Variants in LRRN3 observed in about 807,000 individuals in gnomAD.
LRRN3 encodes leucine-rich repeat neuronal protein 3.
In LRRN3, 15 loss-of-function variants were observed where a neutral mutation model predicts 40.1. The observed-to-expected ratio is 0.37, with a 90% CI of 0.25 to 0.58. LRRN3 has a LOEUF of 0.58. LRRN3 is among the 20% of genes least tolerant of loss of function. The pLI is 0.72. For missense variants in LRRN3, 746 were observed against 837.7 expected, an observed-to-expected ratio of 0.89 and a Z score of 1.35; for synonymous variants, 308 against 297.2, an observed-to-expected ratio of 1.04 and a Z score of -0.37.
At chr7:111,103,647 A>C (rs887563560) in intron 2 of LRRN3, among the ~76,000 whole-genome samples, 1 of 151,668 alleles carries the variant, frequency 6.6e-6, no homozygotes, top group Non-Finnish European at 1.5e-5. Flanking sequence ...AGTTACAGCA[A>C]ATTCTAATGA....
intron 2 of LRRN3, among the ~76,000 whole-genome samples, chr7:111,108,901 T>C (rs948073608): frequency 1.3e-5 from 2 of 152,188 alleles, no homozygotes; most frequent in African/African-American, 4.8e-5. Flanking sequence ...TAGATATTTA[T>C]TGAACAACAA....
At chr7:111,111,388 T>C (rs186623655) in intron 2 of LRRN3, among the ~76,000 whole-genome samples, 125 of 150,486 alleles carry the variant, frequency 8.3e-4, no homozygotes, top group African/African-American at 3.1e-3. Context: ...CATCACAAAT[T>C]ACACTGCTTT....
chr7:111,111,942 G>GTTTTTTT (rs748410980), intron 2 of LRRN3, among the ~76,000 whole-genome samples: 141 of 84,122 alleles, frequency 1.7e-3, no homozygotes, highest in Non-Finnish European at 2.0e-3. Context: ...TATATAGTTT[G>GTTTTTTT]TTTTTTTTTT....
chr7:111,124,310 T>C lies in LRRN3; in HGVS notation c.1538T>C (p.Val513Ala), dbSNP rs1801022462. The C allele has an allele frequency of 2.5e-6, 4 of 1,613,808 alleles. No individual in the cohort carries two copies. The highest frequency in any genetic ancestry group is 3.4e-6 in the Non-Finnish European group (4 of 1,179,862). ...GADLKSVMIK[V>A]DGSFPQDNNG... is the part of the protein sequence containing the mutation. ...GACTTGAAGTCTGTTATGATCAAAG[T>C]GGATGGATCTTTTCCACAAGATAAC... The change falls in exon 3 of 3, where the codon GTG becomes GCG. Residue 513 changes from valine to alanine, a missense_variant. Coordinates refer to ENST00000308478, the MANE Select transcript of LRRN3 (RefSeq NM_001099658.2).
chr7:111,119,185 G>C (rs1487222014), intron 2 of LRRN3, among the ~76,000 whole-genome samples: 2 of 152,176 alleles, frequency 1.3e-5, no homozygotes, highest in Non-Finnish European at 2.9e-5. Context: ...TCTCAGCTAA[G>C]TGATTTATGG....
At chr7:111,102,118 C>A (rs1480581680) in intron 2 of LRRN3, among the ~76,000 whole-genome samples, 1 of 151,108 alleles carries the variant, frequency 6.6e-6, no homozygotes, top group Non-Finnish European at 1.5e-5. Flanking sequence ...TAACAAAATC[C>A]CTATATTGGG....
intron 1 of LRRN3, among the ~76,000 whole-genome samples, chr7:111,098,007 G>A (rs1797586582): frequency 6.6e-6 from 1 of 151,794 alleles, no homozygotes; most frequent in Non-Finnish European, 1.5e-5. Context: ...CTGTAGCATT[G>A]AAAAGAAAGT....
At chr7:111,117,281 A>G (rs947687700) in intron 2 of LRRN3, among the ~76,000 whole-genome samples, 9 of 152,150 alleles carry the variant, frequency 5.9e-5, no homozygotes, top group Non-Finnish European at 8.8e-5. Flanking sequence ...ACAGAATAGT[A>G]TCATGTAAGT....
At chr7:111,107,057 C>T (rs1230512412) in intron 2 of LRRN3, among the ~76,000 whole-genome samples, 3 of 151,826 alleles carry the variant, frequency 2.0e-5, no homozygotes, top group African/African-American at 7.3e-5. Context: ...AGAGAAGAGA[C>T]AGTTAAGCTG....
In LRRN3 at chr7:111,098,527, T is replaced by A. The variant is rs182230238; in HGVS notation, c.-440-1354T>A. On this transcript the variant is annotated intron_variant, in intron 1 of 2. Coordinates refer to ENST00000308478, the MANE Select transcript of LRRN3 (RefSeq NM_001099658.2). ...CATAAATTAATGTAAGCAGAGCCCT[T>A]ATACGTTCAAACCACATCATCTCTC... 2.0e-5 allele frequency among the ~76,000 whole-genome samples: 3 copies of A among 151,914 alleles called. No individual in the cohort carries two copies. The East Asian group carries it at 5.8e-4, about 29-fold the overall frequency.
chr7:111,117,628 A>G (rs1800044068), intron 2 of LRRN3, among the ~76,000 whole-genome samples: 1 of 152,246 alleles, frequency 6.6e-6, no homozygotes, highest in Middle Eastern at 3.4e-3. Flanking sequence ...GGATGCATTT[A>G]GTATAATTCA....
intron 2 of LRRN3, among the ~76,000 whole-genome samples, chr7:111,112,072 C>G (rs905211540): frequency 6.6e-6 from 1 of 150,888 alleles, no homozygotes; most frequent in Middle Eastern, 3.4e-3. Context: ...CTCAGCCTCC[C>G]GAGTAGCTGG....
At chr7:111,122,108 A>G (rs1586422575) in intron 2 of LRRN3, among the ~76,000 whole-genome samples, 1 of 151,664 alleles carries the variant, frequency 6.6e-6, no homozygotes, top group Non-Finnish European at 1.5e-5. Flanking sequence ...GCATTAGGAG[A>G]TATACCTAAT....
At chr7:111,099,166 G>A (rs1797705695) in intron 1 of LRRN3, among the ~76,000 whole-genome samples, 1 of 151,546 alleles carries the variant, frequency 6.6e-6, no homozygotes, top group Admixed American at 6.6e-5. Context: ...TTCACCTGAG[G>A]TCATGCAGTA....
intron 2 of LRRN3, among the ~76,000 whole-genome samples, chr7:111,113,160 G>A (rs1001475232): frequency 2.8e-4 from 42 of 152,220 alleles, no homozygotes; most frequent in African/African-American, 9.6e-4. Flanking sequence ...TAACTAAAAT[G>A]TTCTTCATTC....
intron 2 of LRRN3, among the ~76,000 whole-genome samples, chr7:111,106,393 A>C (rs1411040952): frequency 6.6e-6 from 1 of 151,980 alleles, no homozygotes; most frequent in African/African-American, 2.4e-5. Context: ...AGCCCTTGAA[A>C]TAATAGAAAT....
intron 2 of LRRN3, among the ~76,000 whole-genome samples, chr7:111,106,995 AC>A (rs1234283518): frequency 6.6e-6 from 1 of 152,004 alleles, no homozygotes; most frequent in African/African-American, 2.4e-5. Context: ...AAATGCAAAA[AC>A]AATTACTCTG....
At chr7:111,091,903 C>T (rs1020763356) in intron 1 of LRRN3, among the ~76,000 whole-genome samples, 1 of 151,904 alleles carries the variant, frequency 6.6e-6, no homozygotes, top group Admixed American at 6.6e-5. Context: ...AGGAGAGTCA[C>T]GGGTGATGGG....
At chr7:111,094,843 T>C (rs7457603) in intron 1 of LRRN3, among the ~76,000 whole-genome samples, 2 of 151,956 alleles carry the variant, frequency 1.3e-5, no homozygotes, top group Non-Finnish European at 2.9e-5. Context: ...TGCCAGAGGA[T>C]GGGAAAAAGG....
Sources: gnomAD v4.1 joint callset for allele counts (sites outside exome capture counted in the v4.1 genomes callset) on GRCh38, gnomAD v4.1.1 for gene constraint, MANE v1.5 for transcripts, NCBI Gene and HGNC (gene_info 2026-07-23, HGNC 2026-07-21) for gene names.